Variants in TBL1Y observed in about 807,000 individuals in gnomAD.
The protein encoded by TBL1Y is transducin beta like 1 Y-linked, also known as F-box-like/WD repeat-containing protein TBL1Y.
TBL1Y carries 15 observed loss-of-function variants against 12.0 expected under a neutral mutation model. The observed-to-expected ratio is 1.25, with a 90% confidence interval of 0.83 to 1.92. The LOEUF is 1.92. Among genes scored for constraint, TBL1Y ranks in the 40% most tolerant of loss-of-function variants. The pLI is 0.00. For missense variants in TBL1Y, 148 were observed against 116.7 expected (o/e 1.27, Z -1.24); for synonymous variants, 53 against 42.6 (o/e 1.24, Z -0.95).
intron 4 of TBL1Y, among the ~76,000 whole-genome samples, chrY:7,014,478 A>G (rs2012537375): frequency 3.3e-5 from 1 of 30,054 alleles, no homozygotes; most frequent in East Asian, 8.6e-4. Flanking sequence ...GTGTTTCTTT[A>G]TAGCAATGCT....
intron 6 of TBL1Y, among the ~76,000 whole-genome samples, chrY:7,026,370 C>G: frequency 3.0e-5 from 1 of 33,802 alleles, no homozygotes; most frequent in African/African-American, 1.2e-4. Flanking sequence ...GCTAATACCT[C>G]AACCTTGGCT....
chrY:7,080,201 A>C, intron 13 of TBL1Y, among the ~76,000 whole-genome samples: 1 of 29,097 alleles, frequency 3.4e-5, no homozygotes, highest in South Asian at 8.4e-4. Context: ...CCATCTCTCA[A>C]GTAACTGGGA....
At chrY:7,064,536 C>G in intron 8 of TBL1Y, among the ~76,000 whole-genome samples, 1 of 33,599 alleles carries the variant, frequency 3.0e-5, no homozygotes, top group Non-Finnish European at 7.3e-5. Context: ...ATGGTTCCTG[C>G]CGAGGGCACT....
chrY:7,090,723 T>C (rs983598514), intron 18 of TBL1Y, among the ~76,000 whole-genome samples: 2 of 34,074 alleles, frequency 5.9e-5, no homozygotes, highest in Non-Finnish European at 1.5e-4. Context: ...TGTAATGCAA[T>C]GATAAGCATT....
chrY:7,091,123 G>A (rs376344437), intron 18 of TBL1Y, among the ~76,000 whole-genome samples: 6 of 33,716 alleles, frequency 1.8e-4, no homozygotes, highest in Non-Finnish European at 2.9e-4. Context: ...CCCAAATATC[G>A]TCAGAGATCA....
intron 2 of TBL1Y, among the ~76,000 whole-genome samples, chrY:6,968,759 T>C (rs2012187230): frequency 3.0e-5 from 1 of 33,573 alleles, no homozygotes; most frequent in African/African-American, 1.2e-4. Context: ...CTACACAAAA[T>C]TCCATAAACA....
chrY:7,001,854 T>G, intron 4 of TBL1Y, among the ~76,000 whole-genome samples: 1 of 34,295 alleles, frequency 2.9e-5, no homozygotes, highest in Non-Finnish European at 7.3e-5. Context: ...TACTCATCCC[T>G]TAAATGTAGA....
At chrY:7,075,851 T>A (rs2013058915) in intron 13 of TBL1Y, among the ~76,000 whole-genome samples, 1 of 32,970 alleles carries the variant, frequency 3.0e-5, no homozygotes, top group Non-Finnish European at 7.4e-5. Flanking sequence ...TAAGGGGGGA[T>A]GTCTAATGCA....
At chrY:7,053,605 A>T in intron 7 of TBL1Y, among the ~76,000 whole-genome samples, 1 of 33,989 alleles carries the variant, frequency 2.9e-5, no homozygotes, top group Admixed American at 2.7e-4. Context: ...ATAATTTAGC[A>T]TAAGAAAAGA....
chrY:7,011,998 T>C, intron 4 of TBL1Y, among the ~76,000 whole-genome samples: 1 of 33,272 alleles, frequency 3.0e-5, no homozygotes, highest in African/African-American at 1.2e-4. Flanking sequence ...AGGAACTTAC[T>C]GGGACCTGGA....
chrY:6,953,466 G>A (rs1221919176), intron 2 of TBL1Y, among the ~76,000 whole-genome samples: 16 of 33,562 alleles, frequency 4.8e-4, no homozygotes, highest in Non-Finnish European at 7.4e-4. Flanking sequence ...CCAGTTGATC[G>A]AATCGGCTAC....
chrY:6,923,699 A>T (rs2011800266), intron 2 of TBL1Y, among the ~76,000 whole-genome samples: 1 of 32,113 alleles, frequency 3.1e-5, no homozygotes, highest in Non-Finnish European at 7.6e-5. Context: ...CTGTATTTTT[A>T]GTGGAGACGG....
intron 4 of TBL1Y, among the ~76,000 whole-genome samples, chrY:6,997,347 C>T: frequency 3.1e-5 from 1 of 32,316 alleles, no homozygotes; most frequent in African/African-American, 1.2e-4. Context: ...ACCTGGGAGG[C>T]TTGAACCTTG....
intron 3 of TBL1Y, among the ~76,000 whole-genome samples, chrY:6,980,481 C>T: frequency 3.0e-5 from 1 of 32,976 alleles, no homozygotes; most frequent in Admixed American, 2.8e-4. Context: ...CCTTGCTGTT[C>T]ATTTTAGGTG....
intron 2 of TBL1Y, among the ~76,000 whole-genome samples, chrY:6,915,503 TA>T: frequency 3.0e-5 from 1 of 33,515 alleles, no homozygotes; most frequent in East Asian, 7.8e-4. Context: ...TCAGTGAGGA[TA>T]GGGGAAAAAC....
intron 4 of TBL1Y, among the ~76,000 whole-genome samples, chrY:7,016,324 T>A (rs2012549009): frequency 3.1e-5 from 1 of 32,400 alleles, no homozygotes; most frequent in Non-Finnish European, 7.5e-5. Flanking sequence ...CTCCAGACAT[T>A]GCCTAATATC....
intron 2 of TBL1Y, among the ~76,000 whole-genome samples, chrY:6,968,274 GA>G (rs2012183851): frequency 3.0e-5 from 1 of 33,547 alleles, no homozygotes; most frequent in Non-Finnish European, 7.3e-5. Context: ...CAAACCTGTA[GA>G]GGCAGAAAGT....
intron 4 of TBL1Y, among the ~76,000 whole-genome samples, chrY:7,002,404 AAG>A (rs2012458298): frequency 3.0e-5 from 1 of 33,611 alleles, no homozygotes; most frequent in Non-Finnish European, 7.4e-5. Flanking sequence ...GAGCCAGGAG[AAG>A]AGAGTTTCAG....
chrY:6,924,444 T>C (rs2011810495), intron 2 of TBL1Y, among the ~76,000 whole-genome samples: 1 of 31,362 alleles, frequency 3.2e-5, no homozygotes, highest in African/African-American at 1.3e-4. Flanking sequence ...AAAAATTAGC[T>C]GGGCGTGATG....
Sources: allele counts gnomAD v4.1 joint callset (sites outside exome capture counted in the v4.1 genomes callset), GRCh38; gene constraint gnomAD v4.1.1; transcripts MANE v1.5; gene names NCBI Gene and HGNC (gene_info 2026-07-23, HGNC 2026-07-21).